The following MCCC1 variants were observed in gnomAD, a reference collection of about 807,000 sequenced individuals.
The protein encoded by MCCC1 is methylcrotonoyl-CoA carboxylase subunit alpha, mitochondrial.
A neutral mutation model predicts 83.8 loss-of-function variants in MCCC1; 64 were observed. The ratio of observed to expected loss-of-function variants is 0.76; its 90% CI spans 0.62 to 0.94. The LOEUF (loss-of-function observed/expected upper bound fraction) is 0.94, where lower values mean the gene tolerates loss of function less well. Ranked by LOEUF, MCCC1 falls within the 40% of genes least tolerant of loss-of-function variation. The pLI is 0.00. For synonymous variants in MCCC1, 322 were observed against 315.4 expected (o/e 1.02, Z -0.22); for missense variants, 807 against 904.7 (o/e 0.89, Z 1.39).
intron 3 of MCCC1, among the ~76,000 whole-genome samples, chr3:183,089,981 C>A (rs1204454967): frequency 2.0e-5 from 3 of 152,054 alleles, no homozygotes; most frequent in Non-Finnish European, 2.9e-5. Flanking sequence ...AAAAGAAAGT[C>A]TGGACTAAAA....
intron 7 of MCCC1, among the ~76,000 whole-genome samples, chr3:183,065,836 T>C (rs1716217255): frequency 6.6e-6 from 1 of 152,248 alleles, no homozygotes; most frequent in South Asian, 2.1e-4. Flanking sequence ...AGGTTCTTCT[T>C]AAGGCACTGA....
At chr3:183,038,980 C>T in intron 12 of MCCC1, 46 bp downstream of exon 12, 4 of 1,537,880 alleles carry the variant, frequency 2.6e-6, no homozygotes, top group Non-Finnish European at 3.6e-6. Context: ...ACCTCTGGTG[C>T]TGACCAAACA....
intron 3 of MCCC1, among the ~76,000 whole-genome samples, chr3:183,091,862 A>AC (rs1027988878): frequency 5.9e-5 from 9 of 151,700 alleles, no homozygotes; most frequent in Non-Finnish European, 1.0e-4. Flanking sequence ...CACGGTGAAA[A>AC]CCTGTCTCTA....
upstream of MCCC1, among the ~76,000 whole-genome samples, chr3:183,102,771 T>TG (rs1719336808): frequency 1.2e-5 from 1 of 86,348 alleles, no homozygotes. Context: ...TTTTTTTTTT[T>TG]TTTTTTTTTT....
chr3:183,094,469 T>C (rs1034053926), intron 2 of MCCC1, 90 bp downstream of exon 2: 1 of 1,210,056 alleles, frequency 8.3e-7, no homozygotes, highest in Non-Finnish European at 1.2e-6. Flanking sequence ...CTAATTCTAT[T>C]ATGCATATAT....
intron 4 of MCCC1, among the ~76,000 whole-genome samples, chr3:183,075,088 T>C (rs948941614): frequency 2.6e-5 from 4 of 152,270 alleles, no homozygotes; most frequent in Non-Finnish European, 4.4e-5. Flanking sequence ...GTGGTGTATA[T>C]GTACCACCTT....
At chr3:183,017,429 T>C in intron 17 of MCCC1, 92 bp from the exon 18 acceptor site, 1 of 1,082,116 alleles carries the variant, frequency 9.2e-7, no homozygotes, top group Non-Finnish European at 1.4e-6. Context: ...TTACTGTCTA[T>C]ATATACTCAT....
chr3:183,107,167 G>A (rs1719419132), intron 1 of MCCC1, among the ~76,000 whole-genome samples: 1 of 152,086 alleles, frequency 6.6e-6, no homozygotes, highest in Non-Finnish European at 1.5e-5. Context: ...CACTTTGGGA[G>A]GCTGAGGCGG....
At chr3:183,077,452 T>G (rs1185695129) in intron 4 of MCCC1, among the ~76,000 whole-genome samples, 1 of 152,194 alleles carries the variant, frequency 6.6e-6, no homozygotes, top group Non-Finnish European at 1.5e-5. Context: ...AAGTGGTATC[T>G]CACCAAGGTT....
intron 10 of MCCC1, among the ~76,000 whole-genome samples, chr3:183,043,426 T>G (rs1714278780): frequency 6.6e-6 from 1 of 152,266 alleles, no homozygotes; most frequent in Non-Finnish European, 1.5e-5. Flanking sequence ...AGGCTGACAC[T>G]GGCTCTCCGG....
At chr3:183,109,888 C>T (rs1386397539) in intron 1 of MCCC1, among the ~76,000 whole-genome samples, 1 of 152,200 alleles carries the variant, frequency 6.6e-6, no homozygotes, top group African/African-American at 2.4e-5. Flanking sequence ...TATAAACGTT[C>T]CCTTTTCTCT....
chr3:183,094,821 C>A (rs1352692915), intron 1 of MCCC1, among the ~76,000 whole-genome samples: 1 of 152,156 alleles, frequency 6.6e-6, no homozygotes, highest in Non-Finnish European at 1.5e-5. Context: ...AGTCACCTAG[C>A]CTGCTTGTTC....
intron 4 of MCCC1, among the ~76,000 whole-genome samples, chr3:183,073,756 T>A (rs1716865736): frequency 6.6e-6 from 1 of 152,252 alleles, no homozygotes; most frequent in Non-Finnish European, 1.5e-5. Context: ...AACATACATA[T>A]TTTTTTCTTT....
rs151265061 is a variant in MCCC1 at position 183,044,521 on chromosome 3, A to G, written c.1083+892T>C. 1.4e-3 allele frequency among the ~76,000 whole-genome samples: 208 copies of G among 152,310 alleles called. 2 individuals are homozygous for G. The highest frequency in any genetic ancestry group is 4.8e-3 in the African/African-American group (198 of 41,582). On this transcript the variant is annotated intron_variant, in intron 10 of 18. Transcript: ENST00000265594. ...CGCAACAGCCATAAATCCGCACTTT[A>G]CTTGGATCATTCTAGACCATCTCCT...
chr3:183,092,615 T>C, intron 2 of MCCC1, 70 bp from the exon 3 acceptor site: 4 of 1,594,510 alleles, frequency 2.5e-6, no homozygotes, highest in Non-Finnish European at 3.4e-6. Context: ...GAGAATACGA[T>C]CTTAACTGGC....
At chr3:183,044,515 C>T (rs1714376372) in intron 10 of MCCC1, among the ~76,000 whole-genome samples, 1 of 152,208 alleles carries the variant, frequency 6.6e-6, no homozygotes, top group South Asian at 2.1e-4. Flanking sequence ...CATAAATCCG[C>T]ACTTTACTTG....
At chr3:183,072,548 T>G in intron 4 of MCCC1, 61 bp from the exon 5 acceptor site, 2 of 1,598,348 alleles carry the variant, frequency 1.3e-6, no homozygotes, top group Non-Finnish European at 1.7e-6. Flanking sequence ...AACACCTTAA[T>G]GCAGGTGAAG....
chr3:183,082,297 T>C (rs1466505595), intron 4 of MCCC1, among the ~76,000 whole-genome samples: 1 of 152,178 alleles, frequency 6.6e-6, no homozygotes, highest in African/African-American at 2.4e-5. Flanking sequence ...TCAGTGATTT[T>C]CAAGTACCTG....
intron 10 of MCCC1, among the ~76,000 whole-genome samples, chr3:183,042,353 T>A (rs1714159831): frequency 6.6e-6 from 1 of 152,240 alleles, no homozygotes; most frequent in South Asian, 2.1e-4. Context: ...ATTATTACTA[T>A]TTTAGTTATT....
Sources: gnomAD v4.1 joint callset for allele counts (sites outside exome capture counted in the v4.1 genomes callset) on GRCh38, gnomAD v4.1.1 for gene constraint, MANE v1.5 for transcripts, NCBI Gene and HGNC (gene_info 2026-07-23, HGNC 2026-07-21) for gene names.